The following EHMT1 variants were observed in gnomAD, a reference collection of about 807,000 sequenced individuals.
EHMT1 encodes the protein histone-lysine N-methyltransferase EHMT1.
In EHMT1, 15 loss-of-function variants were observed where a neutral mutation model predicts 147.2. That is an observed-to-expected ratio of 0.10 (90% CI 0.07 to 0.16). The LOEUF is 0.16. Among genes scored for constraint, EHMT1 ranks in the 10% least tolerant of loss-of-function variants. The probability of loss-of-function intolerance (pLI) is 1.00; values close to 1 mark genes in which losing one functional copy is unlikely to be tolerated. For synonymous variants in EHMT1, 795 were observed against 709.6 expected (o/e 1.12, Z -1.91); for missense variants, 1,587 against 1,772.4 (o/e 0.90, Z 1.88).
intron 6 of EHMT1, 73 bp downstream of exon 6, chr9:137,744,163 C>G: frequency 6.5e-7 from 1 of 1,534,674 alleles, no homozygotes; most frequent in East Asian, 2.3e-5. Flanking sequence ...TGAAAATTAA[C>G]AGTCTGGTCA....
At chr9:137,655,735 G>A (rs895308135) in intron 1 of EHMT1, among the ~76,000 whole-genome samples, 3 of 152,180 alleles carry the variant, frequency 2.0e-5, no homozygotes, top group Non-Finnish European at 2.9e-5. Flanking sequence ...CGAGGACCCT[G>A]TTGTGAACTG....
Position 137,835,031 on chromosome 9 carries a change from G to C in EHMT1, c.*78G>C. 1 of 1,332,520 alleles carries C rather than the reference G, an allele frequency of 7.5e-7. No homozygotes were observed. Among genetic ancestry groups the C allele is most frequent in the Non-Finnish European group, 9.6e-7 (1 of 1,043,188 alleles). 82.5% of individuals were successfully genotyped at this position (1,332,520 alleles called of 1,614,324 possible). ...TTAGAGGACGAGGAGGAGAGATTCC[G>C]CACGCAACCGAAAGGGTCCTTCGGG... is the stretch of plus-strand genomic sequence containing the variant. On this transcript the variant is annotated 3_prime_UTR_variant, in exon 27 of 27. Coordinates refer to ENST00000460843, the MANE Select transcript of EHMT1 (RefSeq NM_024757.5).
intron 3 of EHMT1, among the ~76,000 whole-genome samples, chr9:137,722,351 A>G (rs908685320): frequency 1.3e-5 from 2 of 152,260 alleles, no homozygotes; most frequent in African/African-American, 4.8e-5. Context: ...AATTGATTAC[A>G]GCACATCATT....
intron 4 of EHMT1, among the ~76,000 whole-genome samples, chr9:137,742,321 G>A (rs1320906295): frequency 2.6e-5 from 4 of 151,248 alleles, no homozygotes; most frequent in African/African-American, 9.7e-5. Flanking sequence ...GTGTGTGTGT[G>A]TGTGTGTGTG....
chr9:137,740,976 ATTTTTTTTTTGTTTGTT>A (rs1948008797), intron 4 of EHMT1, among the ~76,000 whole-genome samples: 1 of 119,458 alleles, frequency 8.4e-6, no homozygotes, highest in Admixed American at 8.7e-5. Flanking sequence ...CCCCGACATG[ATTTTTTTTTTGTTTGTT>A]TGAGACAGAG....
chr9:137,815,158 C>T lies in EHMT1; in HGVS notation c.3258+650C>T, dbSNP rs559240327. On this transcript the variant is annotated intron_variant, in intron 22 of 26. Transcript: ENST00000460843. ...GACGCGAGCAGGGAGAGGCAACAGG[C>T]GTCCCCTCTGGAAGCAGACTTTGGA... is the stretch of plus-strand genomic sequence containing the variant. Among the ~76,000 whole-genome samples, 6 of 152,112 alleles carry T rather than the reference C, an allele frequency of 3.9e-5. No homozygotes were observed. The East Asian group carries it at 9.7e-4, about 25-fold the overall frequency.
Position 137,813,376 on chromosome 9 carries a change from T to G in EHMT1, c.3036-10T>G. 1 of 1,608,926 alleles carries G rather than the reference T, an allele frequency of 6.2e-7. No individual in the cohort carries two copies. Among genetic ancestry groups the G allele is most frequent in the Non-Finnish European group, 8.5e-7 (1 of 1,178,708 alleles). ...CAGCCACCAGGTGACACCTGTCCTT[T>G]CCATGGCAGGGACATCGCTCGAGGC... On this transcript the variant is annotated splice_polypyrimidine_tract_variant and intron_variant, in intron 20 of 26. Transcript: ENST00000460843. The surrounding 1 kb of genome is among the most constrained non-coding windows in gnomAD (Gnocchi z 4.9).
At chr9:137,765,360 C>T (rs1340443486) in intron 10 of EHMT1, among the ~76,000 whole-genome samples, 1 of 152,190 alleles carries the variant, frequency 6.6e-6, no homozygotes, top group East Asian at 1.9e-4. Context: ...TTTTGCTTCT[C>T]TCTGTCCCCT....
intron 2 of EHMT1, among the ~76,000 whole-genome samples, chr9:137,713,985 C>T (rs1183292461): frequency 6.6e-6 from 1 of 152,120 alleles, no homozygotes; most frequent in Non-Finnish European, 1.5e-5. Context: ...TTGATTTTTG[C>T]ATATTTATCT....
intron 1 of EHMT1, among the ~76,000 whole-genome samples, chr9:137,703,938 A>G (rs1179541618): frequency 1.3e-5 from 2 of 152,142 alleles, no homozygotes; most frequent in African/African-American, 4.8e-5. Flanking sequence ...TGATCAGCTC[A>G]TGGTTCTGTG....
intron 1 of EHMT1, among the ~76,000 whole-genome samples, chr9:137,672,366 T>G (rs1264163848): frequency 6.6e-6 from 1 of 152,256 alleles, no homozygotes; most frequent in African/African-American, 2.4e-5. Context: ...GTAGTAGGTT[T>G]ATTGTTATTT....
chr9:137,789,155 CGTTTCCTGTGGGCCGCCGAG>C (rs1158332695), intron 15 of EHMT1: 1 of 152,436 alleles, frequency 6.6e-6, no homozygotes, highest in African/African-American at 2.4e-5. Context: ...CGCAGCCTCC[CGTTTCCTGTGGGCCGCCGAG>C]AGCTGCCCGA....
At position 137,757,886 on chromosome 9, in the gene EHMT1, A is replaced by C; in HGVS notation, c.1376A>C (p.Glu459Ala). 1 of 1,613,776 alleles carries C rather than the reference A, an allele frequency of 6.2e-7. No homozygotes were observed. Among genetic ancestry groups the C allele is most frequent in the Non-Finnish European group, 8.5e-7 (1 of 1,179,984 alleles). The change falls in exon 9 of 27, where the codon GAG becomes GCG. Residue 459 changes from glutamate (E) to alanine (A), a missense_variant. By Grantham distance (107) the Glu-to-Ala change is moderately radical. Coordinates refer to ENST00000460843, the MANE Select transcript of EHMT1 (RefSeq NM_024757.5). Reference protein sequence around the residue: ...RKKPSGALGSESYKSSAGSAE... With the variant: ...RKKPSGALGSASYKSSAGSAE... ...GTGTGCCTTTCATACCTAGGTTCTG[A>C]GTCGTATAAGTCATCTGCAGGAAGC... is the stretch of plus-strand genomic sequence containing the variant.
At chr9:137,712,058 C>A (rs766152361) in intron 2 of EHMT1, among the ~76,000 whole-genome samples, 35 of 152,208 alleles carry the variant, frequency 2.3e-4, no homozygotes, top group Non-Finnish European at 4.0e-4. Context: ...AGCCGGCCCT[C>A]CAGGGTTGCC....
At position 137,752,404 on chromosome 9, in the gene EHMT1, A is replaced by C; in HGVS notation, c.1244A>C (p.Asp415Ala). ...GEEEEGGDES[D>A]LSSESSIKKK... ...GAGGAGGAAGGCGGTGACGAGTCTG[A>C]CCTGGTAATGCCCAGCGCCTCCTCC... Residue 415 changes from aspartate (D) to alanine (A), a missense_variant, in exon 7 of 27, where the codon GAC becomes GCC. By Grantham distance (126) the Asp-to-Ala change is moderately radical. Transcript: ENST00000460843. 6.2e-7 allele frequency: 1 copy of C among 1,613,830 alleles called. No homozygotes were observed. The highest frequency in any genetic ancestry group is 8.5e-7 in the Non-Finnish European group (1 of 1,179,896).
intron 4 of EHMT1, among the ~76,000 whole-genome samples, chr9:137,729,900 C>T (rs189018681): frequency 2.0e-3 from 312 of 152,346 alleles, no homozygotes; most frequent in Non-Finnish European, 3.6e-3. Context: ...TCTCAGTGTC[C>T]TGTTCCGCAT....
At chr9:137,801,419 T>A (rs1482772460) in intron 18 of EHMT1, among the ~76,000 whole-genome samples, 4 of 152,204 alleles carry the variant, frequency 2.6e-5, no homozygotes, top group African/African-American at 9.7e-5. Context: ...CCTCCTGGGT[T>A]CAAGTGATTC....
chr9:137,678,458 G>C (rs760427142), intron 1 of EHMT1, among the ~76,000 whole-genome samples: 1 of 151,966 alleles, frequency 6.6e-6, no homozygotes, highest in Non-Finnish European at 1.5e-5. Context: ...TTCTCCCTCC[G>C]TTGTCACGAT....
chr9:137,828,034 C>T lies in EHMT1; in HGVS notation c.3541-6315C>T, dbSNP rs996376781. ...CCTTGTGCCAGCCGACAGGGTGCGACGGGGTGGTCGGCCCGGCTGCCATCG... is the reference window on the plus strand; with the variant it reads ...CCTTGTGCCAGCCGACAGGGTGCGATGGGGTGGTCGGCCCGGCTGCCATCG... On this transcript the variant is annotated intron_variant, in intron 25 of 26. Transcript: ENST00000460843. This position sits in a 1 kb window ranked among gnomAD's most constrained non-coding sequence, Gnocchi z 5.3. Among the ~76,000 whole-genome samples the T allele has an allele frequency of 2.0e-4, 30 of 152,262 alleles. No homozygotes were observed. Among genetic ancestry groups the T allele is most frequent in the Non-Finnish European group, 3.2e-4 (22 of 68,014 alleles).
Sources: allele counts gnomAD v4.1 joint callset (sites outside exome capture counted in the v4.1 genomes callset), GRCh38; gene constraint gnomAD v4.1.1; non-coding constraint Gnocchi (gnomAD v3.1); transcripts MANE v1.5; gene names NCBI Gene and HGNC (gene_info 2026-07-23, HGNC 2026-07-21).